PARN: variants seen among roughly 807,000 people sequenced by gnomAD.
PARN encodes the protein poly(A)-specific ribonuclease, also known as poly(A)-specific ribonuclease PARN.
A neutral mutation model predicts 102.8 loss-of-function variants in PARN; 71 were observed. That is an observed-to-expected ratio of 0.69 (90% CI 0.57 to 0.84). The LOEUF is 0.84. Ranked by LOEUF, PARN falls within the 40% of genes least tolerant of loss-of-function variation. PARN has a pLI of 0.00. For synonymous variants in PARN, 261 were observed against 252.9 expected (o/e 1.03, Z -0.30); for missense variants, 782 against 760.9 (o/e 1.03, Z -0.33).
At chr16:14,575,159 C>T (rs1969045694) in intron 18 of PARN, among the ~76,000 whole-genome samples, 1 of 152,192 alleles carries the variant, frequency 6.6e-6, no homozygotes, top group Non-Finnish European at 1.5e-5. Flanking sequence ...TAGGGCAGTG[C>T]AGAAGGGAAA....
chr16:14,522,796 T>A (rs922733157), intron 21 of PARN, among the ~76,000 whole-genome samples: 3 of 152,164 alleles, frequency 2.0e-5, no homozygotes, highest in Non-Finnish European at 4.4e-5. Flanking sequence ...CAAAGCTCCC[T>A]GTCCATGGCC....
At chr16:14,532,752 TG>T (rs1966414241) in intron 21 of PARN, among the ~76,000 whole-genome samples, 1 of 141,702 alleles carries the variant, frequency 7.1e-6, no homozygotes, top group South Asian at 2.3e-4. Flanking sequence ...GCTGGCCGGG[TG>T]GGGGGCTGAC....
At chr16:14,619,275 G>A (rs1972133722) in intron 5 of PARN, among the ~76,000 whole-genome samples, 1 of 151,828 alleles carries the variant, frequency 6.6e-6, no homozygotes, top group African/African-American at 2.4e-5. Flanking sequence ...AACCTAGCAT[G>A]AGCCAAAATA....
chr16:14,438,274 T>C (rs1960795169), intron 23 of PARN, among the ~76,000 whole-genome samples: 1 of 152,140 alleles, frequency 6.6e-6, no homozygotes, highest in Admixed American at 6.5e-5. Context: ...ATGAAAGAAA[T>C]ATTGCAGTAG....
rs532589850 is a variant in PARN, at chr16:14,526,615, A to C, written c.1480+25406T>G. Among the ~76,000 whole-genome samples the C allele has an allele frequency of 2.0e-5, 3 of 152,360 alleles. No homozygotes were observed. In the South Asian group the frequency reaches 6.2e-4, roughly 32 times the overall value. ...CTGGTTTTCCCAAACCTCATCACAC[A>C]AAGGAAAAGTCAAGGGTGTAATCCA... On this transcript the variant is annotated intron_variant, in intron 21 of 23. Transcript: ENST00000437198.
chr16:14,436,815 C>T lies in PARN; in HGVS notation c.1865-43G>A, dbSNP rs151296037. ...AACAATATGAACAGCAGGACCAGGACGGCACCTTGAGGAGAGCATGACATG... is the reference window on the plus strand; with the variant it reads ...AACAATATGAACAGCAGGACCAGGATGGCACCTTGAGGAGAGCATGACATG... On this transcript the variant is annotated intron_variant, in intron 23 of 23. Coordinates refer to ENST00000437198, the MANE Select transcript of PARN (RefSeq NM_002582.4). 7.0e-5 allele frequency: 101 copies of T among 1,446,142 alleles called. No individual in the cohort carries two copies. In the African/African-American group the frequency reaches 1.2e-3, roughly 17 times the overall value. The allele number at this position is 1,446,142 out of a possible 1,614,324, so 89.6% of individuals were successfully genotyped here.
intron 21 of PARN, among the ~76,000 whole-genome samples, chr16:14,551,659 TG>T (rs56105874): frequency 0.22 from 32,768 of 151,986 alleles, 3,911 homozygotes; most frequent in Middle Eastern, 0.31. Flanking sequence ...TATCAACAAA[TG>T]GGGGGAAAGT....
intron 5 of PARN, among the ~76,000 whole-genome samples, chr16:14,625,764 C>G (rs1972608159): frequency 6.6e-6 from 1 of 152,106 alleles, no homozygotes; most frequent in Non-Finnish European, 1.5e-5. Context: ...TGAAGCCTAC[C>G]CTCGAGGCTT....
chr16:14,555,504 T>C (rs1423840881), intron 19 of PARN, 150 bp downstream of exon 19: 5 of 426,752 alleles, frequency 1.2e-5, no homozygotes, highest in Non-Finnish European at 2.1e-5. Flanking sequence ...AAGAGTCCCA[T>C]TAACTTAAGC....
At position 14,542,966 on chromosome 16, in the gene PARN, C is replaced by T. The variant is rs577993280; in HGVS notation, c.1480+9055G>A. On this transcript the variant is annotated intron_variant, in intron 21 of 23. Transcript: ENST00000437198. Reference sequence around the variant, plus strand: ...CCTGTGAAAACTATGAATTTATAGACTCAATAAGTTCAGCCAACCCCAACA... The same window carrying T: ...CCTGTGAAAACTATGAATTTATAGATTCAATAAGTTCAGCCAACCCCAACA... 2.8e-4 allele frequency among the ~76,000 whole-genome samples: 42 copies of T among 152,274 alleles called. 1 individual carries two copies. The South Asian group carries it at 3.5e-3, about 13-fold the overall frequency.
intron 22 of PARN, among the ~76,000 whole-genome samples, chr16:14,470,221 G>A (rs1185740629): frequency 6.6e-6 from 1 of 151,986 alleles, no homozygotes; most frequent in Non-Finnish European, 1.5e-5. Flanking sequence ...ATGACACAGT[G>A]CTTTAATGTG....
intron 12 of PARN, among the ~76,000 whole-genome samples, chr16:14,596,860 T>C (rs1304444199): frequency 2.0e-5 from 3 of 151,742 alleles, no homozygotes; most frequent in Admixed American, 2.0e-4. Flanking sequence ...AATCTCAGGT[T>C]ACTGCAACCC....
chr16:14,555,583 T>G, intron 19 of PARN, 71 bp downstream of exon 19: 1 of 664,418 alleles, frequency 1.5e-6, no homozygotes, highest in Non-Finnish European at 2.4e-6. Context: ...TTTAGTAATA[T>G]TTTCCTGTTA....
At chr16:14,629,485 C>A in intron 2 of PARN, 112 bp downstream of exon 2, 1 of 782,276 alleles carries the variant, frequency 1.3e-6, no homozygotes, top group Non-Finnish European at 2.2e-6. Context: ...CCGCCCAAGG[C>A]TACTAACAGC....
intron 22 of PARN, among the ~76,000 whole-genome samples, chr16:14,471,677 G>A (rs1425203139): frequency 2.6e-5 from 4 of 152,038 alleles, no homozygotes; most frequent in African/African-American, 9.7e-5. Context: ...TCCTCAGGTG[G>A]GGGCAATCAC....
intron 21 of PARN, among the ~76,000 whole-genome samples, chr16:14,491,930 C>T (rs562979157): frequency 2.0e-5 from 3 of 152,172 alleles, no homozygotes; most frequent in Non-Finnish European, 2.9e-5. Flanking sequence ...CATGTTGAAG[C>T]CTGGTATGTG....
intron 22 of PARN, among the ~76,000 whole-genome samples, chr16:14,459,730 C>A (rs1448005841): frequency 6.6e-6 from 1 of 152,008 alleles, no homozygotes; most frequent in Non-Finnish European, 1.5e-5. Context: ...ATTAAAGGTA[C>A]AATATTTGAT....
rs1276402872 is a variant in PARN at position 14,616,410 on chromosome 16, T to C, written c.388+1180A>G. ...CAATCGTGCAGTCTCTGCACTTTTCTTCTCCCATAAGAAACTAAGAAACTG... is the reference window on the plus strand; with the variant it reads ...CAATCGTGCAGTCTCTGCACTTTTCCTCTCCCATAAGAAACTAAGAAACTG... On this transcript the variant is annotated intron_variant, in intron 6 of 23. Coordinates refer to ENST00000437198, the MANE Select transcript of PARN (RefSeq NM_002582.4). 2.0e-5 allele frequency among the ~76,000 whole-genome samples: 3 copies of C among 152,222 alleles called. No homozygotes were observed. In the East Asian group the frequency reaches 5.8e-4, roughly 29 times the overall value.
intron 10 of PARN, among the ~76,000 whole-genome samples, chr16:14,604,807 G>A (rs372249931): frequency 2.0e-5 from 3 of 150,030 alleles, no homozygotes; most frequent in African/African-American, 7.4e-5. Context: ...GTAGAGACAG[G>A]GTTTCACCAT....
Sources: allele counts gnomAD v4.1 joint callset (sites outside exome capture counted in the v4.1 genomes callset), GRCh38; gene constraint gnomAD v4.1.1; transcripts MANE v1.5; gene names NCBI Gene and HGNC (gene_info 2026-07-23, HGNC 2026-07-21).